Variants in SULF2 observed in about 807,000 individuals in gnomAD.
SULF2 encodes the protein extracellular sulfatase Sulf-2.
A neutral mutation model predicts 107.7 loss-of-function variants in SULF2; 52 were observed. That is an observed-to-expected ratio of 0.48 (90% CI 0.39 to 0.61). SULF2 has a LOEUF of 0.61. Among genes scored for constraint, SULF2 ranks in the 20% least tolerant of loss-of-function variants. The pLI, the probability that SULF2 is intolerant of heterozygous loss-of-function variation, is 0.00. For synonymous variants in SULF2, 460 were observed against 464.3 expected, an observed-to-expected ratio of 0.99 and a Z score of 0.12; for missense variants, 993 against 1,177.3, an observed-to-expected ratio of 0.84 and a Z score of 2.29.
intron 1 of SULF2, among the ~76,000 whole-genome samples, chr20:47,772,644 T>C (rs1051603621): frequency 6.6e-6 from 1 of 152,050 alleles, no homozygotes; most frequent in African/African-American, 2.4e-5. Context: ...GCATTTCCAA[T>C]GTAGTCCAGG....
chr20:47,771,845 C>T (rs188223538), intron 1 of SULF2, among the ~76,000 whole-genome samples: 462 of 152,272 alleles, frequency 3.0e-3, no homozygotes, highest in Non-Finnish European at 4.9e-3. Flanking sequence ...CCCAACCTGC[C>T]GGAACTCCGC....
At chr20:47,780,511 G>C (rs2090811112) in intron 1 of SULF2, among the ~76,000 whole-genome samples, 1 of 152,088 alleles carries the variant, frequency 6.6e-6, no homozygotes, top group Non-Finnish European at 1.5e-5. Flanking sequence ...CTGACAGCCT[G>C]CCTAAAGTTG....
intron 10 of SULF2, among the ~76,000 whole-genome samples, chr20:47,675,692 G>C (rs776704916): frequency 8.5e-4 from 129 of 151,956 alleles, no homozygotes; most frequent in Non-Finnish European, 1.6e-3. Flanking sequence ...ACACACCTCC[G>C]GCACCCCTTG....
intron 1 of SULF2, among the ~76,000 whole-genome samples, chr20:47,766,567 A>C (rs2090531649): frequency 6.6e-6 from 1 of 152,238 alleles, no homozygotes; most frequent in Non-Finnish European, 1.5e-5. Context: ...GTAACAAGAC[A>C]TTCCTGAAGG....
At chr20:47,786,366 G>A (rs1199466006), upstream of SULF2, 1 of 152,180 alleles carries the variant, frequency 6.6e-6, no homozygotes, top group African/African-American at 2.4e-5. Flanking sequence ...CCCTCGTAAT[G>A]ACACGTTAAT....
chr20:47,727,058 T>G (rs1344983572), intron 3 of SULF2, among the ~76,000 whole-genome samples: 14 of 147,498 alleles, frequency 9.5e-5, no homozygotes, highest in Non-Finnish European at 1.8e-4. Flanking sequence ...GCAGCCTTTA[T>G]GGGGGGGGGC....
Position 47,707,508 on chromosome 20 carries a change from C to T in SULF2, c.416-4838G>A, listed in dbSNP as rs6018650. 5.5e-4 allele frequency among the ~76,000 whole-genome samples: 84 copies of T among 152,184 alleles called. 1 individual carries two copies. The highest frequency in any genetic ancestry group is 1.8e-3 in the African/African-American group (74 of 41,516). ...ACTACAACCCAAAGTATGCCTGCTG[C>T]GAAACTCCCTCCCAGGTGGAGAGCT... On this transcript the variant is annotated intron_variant, in intron 3 of 20. Coordinates refer to ENST00000688720, the MANE Select transcript of SULF2 (RefSeq NM_001387048.1).
At position 47,746,842 on chromosome 20, in the gene SULF2, G is replaced by C. The variant is rs556444396; in HGVS notation, c.176-9900C>G. ...ACACACTGGGGCCTGTTGTGGGGTG[G>C]GGGGAGAGGGGAGGGATAGCATTAG... On this transcript the variant is annotated intron_variant, in intron 2 of 20. Coordinates refer to ENST00000688720, the MANE Select transcript of SULF2 (RefSeq NM_001387048.1). 3.3e-5 allele frequency among the ~76,000 whole-genome samples: 5 copies of C among 151,870 alleles called. No individual in the cohort carries two copies. In the East Asian group the frequency reaches 9.7e-4, roughly 29 times the overall value.
intron 10 of SULF2, among the ~76,000 whole-genome samples, chr20:47,676,258 C>T (rs766365794): frequency 1.3e-5 from 2 of 152,214 alleles, no homozygotes; most frequent in Non-Finnish European, 2.9e-5. Context: ...CATACACACA[C>T]CCACGGGACA....
intron 3 of SULF2, among the ~76,000 whole-genome samples, chr20:47,705,204 C>G (rs1157401325): frequency 6.6e-6 from 1 of 152,132 alleles, no homozygotes; most frequent in Non-Finnish European, 1.5e-5. Flanking sequence ...GGTCTGGGTA[C>G]ACAGGGGAGG....
At chr20:47,747,332 T>C (rs2090067103) in intron 2 of SULF2, among the ~76,000 whole-genome samples, 1 of 152,308 alleles carries the variant, frequency 6.6e-6, no homozygotes, top group East Asian at 1.9e-4. Flanking sequence ...TGAGATTCTA[T>C]TAATAAGCAT....
At chr20:47,727,129 G>C (rs376638530) in intron 3 of SULF2, among the ~76,000 whole-genome samples, 64 of 152,232 alleles carry the variant, frequency 4.2e-4, no homozygotes, top group African/African-American at 1.3e-3. Context: ...CAAAATATAT[G>C]CTCAAGTCCT....
intron 7 of SULF2, among the ~76,000 whole-genome samples, chr20:47,682,529 G>A (rs6094779): frequency 6.6e-6 from 1 of 152,164 alleles, no homozygotes; most frequent in Non-Finnish European, 1.5e-5. Context: ...TGCGGCCCAC[G>A]TGGTCCTCCA....
chr20:47,774,066 G>C (rs1034891168), intron 1 of SULF2, among the ~76,000 whole-genome samples: 1 of 152,204 alleles, frequency 6.6e-6, no homozygotes, highest in Non-Finnish European at 1.5e-5. Context: ...GAAACAGCCC[G>C]ACACTTACAA....
intron 1 of SULF2, among the ~76,000 whole-genome samples, chr20:47,758,768 G>C (rs1600664496): frequency 6.6e-6 from 1 of 152,218 alleles, no homozygotes; most frequent in Non-Finnish European, 1.5e-5. Context: ...TAAAACAAGA[G>C]AGCATGAGCG....
chr20:47,715,581 GA>G (rs1243877401), intron 3 of SULF2, among the ~76,000 whole-genome samples: 4 of 96,076 alleles, frequency 4.2e-5, no homozygotes, highest in East Asian at 5.4e-4. Context: ...AGGGAATGTC[GA>G]TTTTTTTTTT....
intron 19 of SULF2, 81 bp from the exon 20 acceptor site, chr20:47,659,533 G>A: frequency 6.7e-7 from 1 of 1,482,794 alleles, no homozygotes; most frequent in African/African-American, 1.4e-5. Flanking sequence ...ATACAAAGAA[G>A]GTCTCCTAGG....
intron 2 of SULF2, among the ~76,000 whole-genome samples, chr20:47,745,405 A>G (rs1568892444): frequency 5.3e-4 from 11 of 20,784 alleles, no homozygotes; most frequent in East Asian, 3.2e-3. Flanking sequence ...AAAAAAAAAA[A>G]AAAAAATATA....
intron 7 of SULF2, among the ~76,000 whole-genome samples, chr20:47,679,860 G>A (rs765814508): frequency 1.1e-4 from 17 of 152,044 alleles, no homozygotes; most frequent in Non-Finnish European, 2.4e-4. Flanking sequence ...GACCCTATTC[G>A]GAACTGCGCC....
Sources: gnomAD v4.1 joint callset for allele counts (sites outside exome capture counted in the v4.1 genomes callset) on GRCh38, gnomAD v4.1.1 for gene constraint, MANE v1.5 for transcripts, NCBI Gene and HGNC (gene_info 2026-07-23, HGNC 2026-07-21) for gene names.